Variants in HS6ST3 observed in about 807,000 individuals in gnomAD.
The protein encoded by HS6ST3 is heparan-sulfate 6-O-sulfotransferase 3.
HS6ST3 carries 12 observed loss-of-function variants against 36.7 expected under a neutral mutation model. The ratio of observed to expected loss-of-function variants is 0.33; its 90% CI spans 0.21 to 0.53. The LOEUF is 0.53. Among genes scored for constraint, HS6ST3 ranks in the 20% least tolerant of loss-of-function variants. The pLI is 0.95. For missense variants in HS6ST3, 584 were observed against 640.9 expected (o/e 0.91, Z 0.96); for synonymous variants, 240 against 257.5 (o/e 0.93, Z 0.65).
intron 1 of HS6ST3, among the ~76,000 whole-genome samples, chr13:96,430,337 G>T (rs1181805180): frequency 6.6e-6 from 1 of 152,140 alleles, no homozygotes; most frequent in African/African-American, 2.4e-5. Context: ...GGCTGTCTTT[G>T]TCTGGCAAAC....
chr13:96,111,279 A>T lies in HS6ST3; in HGVS notation c.707+19710A>T, dbSNP rs138352967. On this transcript the variant is annotated intron_variant, in intron 1 of 1. Transcript: ENST00000376705. ...TATCATATAGCTTAATTACTTCTGA[A>T]TGTGCATATTAAGGCACATAACCTT... Among the ~76,000 whole-genome samples, 596 of 152,360 alleles carry T rather than the reference A, an allele frequency of 3.9e-3. 2 individuals are homozygous for T. Among genetic ancestry groups the T allele is most frequent in the Middle Eastern group, 0.017 (5 of 294 alleles).
chr13:96,464,947 C>T (rs2055804550), intron 1 of HS6ST3, among the ~76,000 whole-genome samples: 2 of 145,460 alleles, frequency 1.4e-5, no homozygotes, highest in African/African-American at 2.6e-5. Context: ...CAAGATGCTT[C>T]GTGTGTGTGT....
At chr13:96,324,180 A>G (rs979014565) in intron 1 of HS6ST3, among the ~76,000 whole-genome samples, 2 of 152,228 alleles carry the variant, frequency 1.3e-5, no homozygotes, top group Non-Finnish European at 2.9e-5. Context: ...CAGAAGTTAC[A>G]GAAAACTCCT....
chr13:96,766,812 C>T (rs907248905), intron 1 of HS6ST3, among the ~76,000 whole-genome samples: 1 of 152,152 alleles, frequency 6.6e-6, no homozygotes, highest in Non-Finnish European at 1.5e-5. Context: ...TTTGGGACCT[C>T]TTCTGGTGGC....
chr13:96,774,545 C>A lies in HS6ST3; in HGVS notation c.708-57945C>A, dbSNP rs895980839. 5.9e-5 allele frequency among the ~76,000 whole-genome samples: 9 copies of A among 152,164 alleles called. 1 individual carries two copies. In the South Asian group the frequency reaches 1.2e-3, roughly 21 times the overall value. ...AACTTCGTGAAGCATACACAAGTAT[C>A]AATAACTGAATTGATCAGGCAGAAG... On this transcript the variant is annotated intron_variant, in intron 1 of 1. Coordinates refer to ENST00000376705, the MANE Select transcript of HS6ST3 (RefSeq NM_153456.4).
At chr13:96,599,248 G>T (rs923816825) in intron 1 of HS6ST3, among the ~76,000 whole-genome samples, 2 of 151,886 alleles carry the variant, frequency 1.3e-5, no homozygotes, top group East Asian at 1.9e-4. Context: ...GGTAGAGTTT[G>T]GCTGTGAATC....
At chr13:96,214,780 C>T (rs1275827535) in intron 1 of HS6ST3, among the ~76,000 whole-genome samples, 2 of 152,072 alleles carry the variant, frequency 1.3e-5, no homozygotes, top group African/African-American at 4.8e-5. Flanking sequence ...ATTTTAAAAA[C>T]AGAAATCAAG....
intron 1 of HS6ST3, among the ~76,000 whole-genome samples, chr13:96,718,075 A>AATGG (rs1875746803): frequency 6.6e-6 from 1 of 152,108 alleles, no homozygotes; most frequent in Non-Finnish European, 1.5e-5. Context: ...TTCCACAGCC[A>AATGG]ATGGATCCTA....
intron 1 of HS6ST3, among the ~76,000 whole-genome samples, chr13:96,332,610 C>T (rs1227201564): frequency 6.6e-6 from 1 of 152,118 alleles, no homozygotes; most frequent in South Asian, 2.1e-4. Flanking sequence ...TGTTAGAGGC[C>T]CTCTTTGGAC....
intron 1 of HS6ST3, among the ~76,000 whole-genome samples, chr13:96,294,550 G>T (rs542314993): frequency 1.3e-5 from 2 of 152,186 alleles, no homozygotes; most frequent in Admixed American, 1.3e-4. Context: ...TCCCCACATT[G>T]TAGAAGATTC....
chr13:96,689,792 T>A (rs1367515211), intron 1 of HS6ST3, among the ~76,000 whole-genome samples: 1 of 21,944 alleles, frequency 4.6e-5, no homozygotes, highest in Non-Finnish European at 9.9e-5. Context: ...AGTTTGTCAA[T>A]GGATGTTTGT....
At chr13:96,192,663 T>C (rs908307090) in intron 1 of HS6ST3, among the ~76,000 whole-genome samples, 1 of 151,676 alleles carries the variant, frequency 6.6e-6, no homozygotes, top group Non-Finnish European at 1.5e-5. Flanking sequence ...GACATTTAGG[T>C]TGGTTCCAGG....
intron 1 of HS6ST3, among the ~76,000 whole-genome samples, chr13:96,405,450 A>G (rs2055472793): frequency 6.6e-6 from 1 of 152,160 alleles, no homozygotes; most frequent in Non-Finnish European, 1.5e-5. Flanking sequence ...AAAGGTCCTT[A>G]TCTGTTCATT....
At chr13:96,818,095 A>G (rs1338710519) in intron 1 of HS6ST3, among the ~76,000 whole-genome samples, 1 of 147,562 alleles carries the variant, frequency 6.8e-6, no homozygotes, top group South Asian at 2.2e-4. Context: ...GGAAGCTTCA[A>G]TCATGCCTGA....
At chr13:96,716,243 C>T (rs1030307345) in intron 1 of HS6ST3, among the ~76,000 whole-genome samples, 17 of 151,920 alleles carry the variant, frequency 1.1e-4, no homozygotes, top group South Asian at 4.2e-4. Flanking sequence ...AAAATGATTA[C>T]GAAAGATTTT....
intron 1 of HS6ST3, among the ~76,000 whole-genome samples, chr13:96,488,508 G>T (rs553905381): frequency 6.6e-6 from 1 of 151,898 alleles, no homozygotes; most frequent in Non-Finnish European, 1.5e-5. Context: ...ATCATTCTCT[G>T]TTGGCTTATG....
chr13:96,701,688 G>T (rs755143528), intron 1 of HS6ST3, among the ~76,000 whole-genome samples: 1 of 152,098 alleles, frequency 6.6e-6, no homozygotes, highest in Non-Finnish European at 1.5e-5. Flanking sequence ...AACCAGGCAC[G>T]GTGTCTCACG....
At chr13:96,714,070 A>G (rs1875635180) in intron 1 of HS6ST3, among the ~76,000 whole-genome samples, 2 of 152,152 alleles carry the variant, frequency 1.3e-5, no homozygotes, top group African/African-American at 4.8e-5. Flanking sequence ...GAAAATGAAA[A>G]AGTTTAACAT....
chr13:96,214,021 G>T (rs1566290090), intron 1 of HS6ST3, among the ~76,000 whole-genome samples: 1 of 152,150 alleles, frequency 6.6e-6, no homozygotes, highest in Non-Finnish European at 1.5e-5. Context: ...TACAGTTGAA[G>T]GTCTCTGCGG....
Sources: allele counts gnomAD v4.1 joint callset (sites outside exome capture counted in the v4.1 genomes callset), GRCh38; gene constraint gnomAD v4.1.1; transcripts MANE v1.5; gene names NCBI Gene and HGNC (gene_info 2026-07-23, HGNC 2026-07-21).